Variants in SCN8A observed in about 807,000 individuals in gnomAD.
The protein encoded by SCN8A is sodium channel protein type 8 subunit alpha.
A neutral mutation model predicts 184.1 loss-of-function variants in SCN8A; 30 were observed. The ratio of observed to expected loss-of-function variants is 0.16; its 90% CI spans 0.12 to 0.22. The LOEUF (loss-of-function observed/expected upper bound fraction) is 0.22, where lower values mean the gene tolerates loss of function less well. SCN8A is among the 10% of genes least tolerant of loss of function. SCN8A has a pLI of 1.00. For synonymous variants in SCN8A, 852 were observed against 907.0 expected (o/e 0.94, Z 1.09); for missense variants, 1,057 against 2,498.9 (o/e 0.42, Z 12.30).
intron 18 of SCN8A, chr12:51,770,310 A>T (rs958653539): frequency 9.5e-5 from 57 of 597,326 alleles, no homozygotes; most frequent in African/African-American, 9.3e-4. Context: ...TCTTTGTAGG[A>T]CATCTTCTTG....
chr12:51,746,995 C>G (rs1942520774), intron 13 of SCN8A, among the ~76,000 whole-genome samples: 1 of 152,034 alleles, frequency 6.6e-6, no homozygotes, highest in African/African-American at 2.4e-5. Flanking sequence ...TAACCAAAGT[C>G]CCTGAGACAG....
At chr12:51,676,223 A>T (rs1427109759) in intron 2 of SCN8A, among the ~76,000 whole-genome samples, 1 of 152,166 alleles carries the variant, frequency 6.6e-6, no homozygotes, top group Non-Finnish European at 1.5e-5. Context: ...GGTACTCTGG[A>T]AATGCATTCC....
rs1565899344 is a variant in SCN8A at position 51,721,095 on chromosome 12, AT to A, written c.1636-450del. On this transcript the variant is annotated intron_variant, in intron 11 of 26. Transcript: ENST00000627620. Reference sequence around the variant, plus strand: ...AAAAAAAAAAATTATATATATATATATATATATATATAATATTTATTTATTG... The same window carrying A: ...AAAAAAAAAAATTATATATATATATAATATATATATAATATTTATTTATTG... Among the ~76,000 whole-genome samples the A allele has an allele frequency of 4.8e-3, 351 of 73,130 alleles. 8 individuals carry two copies. Among genetic ancestry groups the A allele is most frequent in the African/African-American group, 0.014 (320 of 22,276 alleles). The allele number at this position is 73,130 out of a possible 152,430, so 48.0% of individuals were successfully genotyped here. A position where few individuals can be genotyped will look rare whatever the true frequency, so the allele number is the denominator to read the frequency against.
At chr12:51,628,565 C>T (rs79843844) in intron 1 of SCN8A, among the ~76,000 whole-genome samples, 1,811 of 152,112 alleles carry the variant, frequency 0.012, 18 homozygotes, top group Non-Finnish European at 0.017. Flanking sequence ...TGTAGGGATT[C>T]GCACAATCTG....
chr12:51,660,340 C>T (rs138370075), intron 1 of SCN8A, among the ~76,000 whole-genome samples: 1,709 of 152,282 alleles, frequency 0.011, 19 homozygotes, highest in Non-Finnish European at 0.019. Flanking sequence ...AACCCAGGTG[C>T]CTGCAATTAG....
chr12:51,701,203 G>A lies in SCN8A; in HGVS notation c.988G>A (p.Ala330Thr). Residue 330 changes from alanine to threonine, a missense_variant, in exon 8 of 27, where the codon GCT becomes ACT. Coordinates refer to ENST00000627620, the MANE Select transcript of SCN8A (RefSeq NM_001330260.2). ...TTTACTCTGTGGGAACAGTTCTGAT[G>A]CTGGGTAAGTAGCTCACCTAGTTTT... ...EPLLCGNSSD[A>T]GQCPEGYQCM... 6.2e-7 allele frequency: 1 copy of A among 1,601,490 alleles called. No homozygotes were observed. The highest frequency in any genetic ancestry group is 8.5e-7 in the Non-Finnish European group (1 of 1,173,794).
At chr12:51,621,832 G>A (rs1484420321) in intron 1 of SCN8A, among the ~76,000 whole-genome samples, 1 of 152,226 alleles carries the variant, frequency 6.6e-6, no homozygotes, top group South Asian at 2.1e-4. Context: ...CTCATCCGGA[G>A]ATTTGGAAGG....
At chr12:51,755,415 G>A (rs1315099502) in intron 14 of SCN8A, among the ~76,000 whole-genome samples, 1 of 152,088 alleles carries the variant, frequency 6.6e-6, no homozygotes, top group African/African-American at 2.4e-5. Flanking sequence ...TGGCTTTCTG[G>A]TACCACAAGG....
At chr12:51,654,894 G>A (rs1000233113) in intron 1 of SCN8A, among the ~76,000 whole-genome samples, 2 of 152,002 alleles carry the variant, frequency 1.3e-5, no homozygotes, top group African/African-American at 4.8e-5. Context: ...AGCATAAAGT[G>A]TTTGCTTTAT....
At position 51,811,936 on chromosome 12, in the gene SCN8A, T is replaced by A. The variant is rs1265256111; in HGVS notation, c.*4507T>A. On this transcript the variant is annotated 3_prime_UTR_variant, in exon 27 of 27. Transcript: ENST00000627620. ...TGTTGCCCACAGTTTAGCAAAAAGC[T>A]TCGTTCATTTTCAGGTACTCCCCAC... 3 of 152,182 alleles carry A rather than the reference T, an allele frequency of 2.0e-5. No homozygotes were observed. The highest frequency in any genetic ancestry group is 6.5e-5 in the Admixed American group (1 of 15,276). The allele number at this position is 152,182 out of a possible 1,614,324, so 9.4% of individuals were successfully genotyped here.
chr12:51,747,885 G>C (rs1268886099), intron 13 of SCN8A, among the ~76,000 whole-genome samples: 3 of 151,820 alleles, frequency 2.0e-5, no homozygotes, highest in Non-Finnish European at 4.4e-5. Context: ...TAGATGTAAG[G>C]GTAGCTCAGG....
At chr12:51,780,927 C>G (rs1277495056) in intron 21 of SCN8A, among the ~76,000 whole-genome samples, 156 bp downstream of exon 21, 1 of 152,072 alleles carries the variant, frequency 6.6e-6, no homozygotes, top group Non-Finnish European at 1.5e-5. Flanking sequence ...CTGCCCCGTG[C>G]AAAGGGGAAT....
At chr12:51,633,111 C>T (rs1940234934) in intron 1 of SCN8A, among the ~76,000 whole-genome samples, 1 of 152,156 alleles carries the variant, frequency 6.6e-6, no homozygotes, top group South Asian at 2.1e-4. Context: ...AGAGAAACTA[C>T]AACACTGTTT....
chr12:51,762,790 C>T (rs1390966219), intron 15 of SCN8A, 114 bp downstream of exon 15: 11 of 947,934 alleles, frequency 1.2e-5, no homozygotes, highest in African/African-American at 1.7e-5. Context: ...ATTTTACTCC[C>T]AATTCCAGTT....
chr12:51,653,763 C>T (rs912705751), intron 1 of SCN8A, among the ~76,000 whole-genome samples: 5 of 152,284 alleles, frequency 3.3e-5, no homozygotes, highest in African/African-American at 7.2e-5. Flanking sequence ...ATAGCAGCTG[C>T]ACCATTTTCC....
intron 2 of SCN8A, among the ~76,000 whole-genome samples, chr12:51,678,226 G>A (rs557001040): frequency 6.6e-6 from 1 of 152,214 alleles, no homozygotes; most frequent in Non-Finnish European, 1.5e-5. Flanking sequence ...GGGGATAAAA[G>A]TAGGGGAGAT....
chr12:51,803,859 G>T (rs557948325), intron 26 of SCN8A, among the ~76,000 whole-genome samples: 1 of 152,326 alleles, frequency 6.6e-6, no homozygotes, highest in East Asian at 1.9e-4. Context: ...GCTCCAAGAG[G>T]TTACTTGACC....
intron 19 of SCN8A, among the ~76,000 whole-genome samples, chr12:51,772,717 A>G (rs1339130704): frequency 1.3e-5 from 2 of 151,936 alleles, no homozygotes; most frequent in East Asian, 3.9e-4. Flanking sequence ...ACGGTAGCTC[A>G]CACCTGTAAT....
chr12:51,801,516 G>T (rs1265576638), intron 26 of SCN8A, among the ~76,000 whole-genome samples: 4 of 152,170 alleles, frequency 2.6e-5, no homozygotes, highest in Admixed American at 1.3e-4. Flanking sequence ...AACCAAGGGA[G>T]ATCAGGCATT....
Sources: gnomAD v4.1 joint callset for allele counts (sites outside exome capture counted in the v4.1 genomes callset) on GRCh38, gnomAD v4.1.1 for gene constraint, MANE v1.5 for transcripts, NCBI Gene and HGNC (gene_info 2026-07-23, HGNC 2026-07-21) for gene names.